RS1: variants seen among roughly 807,000 people sequenced by gnomAD.
RS1 encodes the protein retinoschisin.
RS1 carries 2 observed loss-of-function variants against 20.8 expected under a neutral mutation model. That is an observed-to-expected ratio of 0.10 (90% confidence interval 0.04 to 0.30). The LOEUF (loss-of-function observed/expected upper bound fraction) is 0.30, where lower values mean the gene tolerates loss of function less well. Ranked by LOEUF, RS1 falls within the 10% of genes least tolerant of loss-of-function variation. The pLI is 1.00. For missense variants in RS1, 151 were observed against 189.8 expected (o/e 0.80, Z 1.20); for synonymous variants, 70 against 75.8 (o/e 0.92, Z 0.40).
At chrX:18,670,586 C>T (rs898408701) in intron 1 of RS1, among the ~76,000 whole-genome samples, 1 of 110,810 alleles carries the variant, frequency 9.0e-6, no homozygotes, top group Non-Finnish European at 1.9e-5. Flanking sequence ...AAAGAAGGGA[C>T]CAAGGAATGA....
intron 2 of RS1, among the ~76,000 whole-genome samples, chrX:18,657,369 C>T (rs1374670714): frequency 1.9e-5 from 2 of 107,405 alleles, no homozygotes; most frequent in Non-Finnish European, 3.8e-5. Flanking sequence ...TACAGGTATG[C>T]ACCACTATAC....
chrX:18,668,848 T>C (rs1266481636), intron 1 of RS1, among the ~76,000 whole-genome samples: 2 of 111,431 alleles, frequency 1.8e-5, no homozygotes, highest in African/African-American at 6.5e-5. Context: ...ACAGGGAGAA[T>C]GGGGAGCGAG....
chrX:18,669,281 G>A (rs1000660523), intron 1 of RS1, among the ~76,000 whole-genome samples: 5 of 109,220 alleles, frequency 4.6e-5, no homozygotes, highest in Non-Finnish European at 7.6e-5. Flanking sequence ...ACCTGAGGTC[G>A]GGAGTTCGAG....
chrX:18,643,829 AATAT>A (rs755520723), intron 5 of RS1, among the ~76,000 whole-genome samples: 2 of 105,851 alleles, frequency 1.9e-5, no homozygotes, highest in African/African-American at 3.4e-5. Context: ...ATTCATAGCA[AATAT>A]ATATATATAT....
intron 1 of RS1, among the ~76,000 whole-genome samples, chrX:18,663,121 T>A (rs772030709): frequency 8.5e-4 from 86 of 101,679 alleles, no homozygotes; most frequent in African/African-American, 2.9e-3. Flanking sequence ...TCACAACAAC[T>A]TCGGCCTCCT....
rs1928220468 is a variant in RS1 at position 18,656,660 on chromosome X, A to G, written c.177T>C (p.Cys59=). The G allele has an allele frequency of 3.3e-6, 4 of 1,198,857 alleles. No individual in the cohort carries two copies. The South Asian group carries it at 5.3e-5, about 16-fold the overall frequency. Residue 59 remains cysteine, a synonymous_variant, in exon 3 of 6, where the codon TGT becomes TGC. Coordinates refer to ENST00000379984, the MANE Select transcript of RS1 (RefSeq NM_000330.4). ...AGGACAGGGGATACTCACCTGGTAT[A>G]CAGTCCAAGGAGGTGGCACCTGCAG... ...LWSAGATSLD[C]IPECPYHKPL...
At chrX:18,649,807 C>A (rs1048096467) in intron 3 of RS1, among the ~76,000 whole-genome samples, 2 of 112,133 alleles carry the variant, frequency 1.8e-5, no homozygotes, top group Non-Finnish European at 3.8e-5. Flanking sequence ...GCTCCTCCCC[C>A]ACCCGCGACA....
chrX:18,659,616 G>A (rs1928277932), intron 1 of RS1, among the ~76,000 whole-genome samples: 2 of 112,010 alleles, frequency 1.8e-5, no homozygotes, highest in Admixed American at 1.9e-4. Context: ...ATCGCAGAAG[G>A]TTGCATTGGA....
intron 1 of RS1, among the ~76,000 whole-genome samples, chrX:18,660,796 A>G (rs1928295190): frequency 8.9e-6 from 1 of 112,064 alleles, no homozygotes; most frequent in Non-Finnish European, 1.9e-5. Flanking sequence ...GGCCTTCTGA[A>G]ATGGAAGCCT....
chrX:18,653,977 AT>A, intron 3 of RS1, among the ~76,000 whole-genome samples: 1 of 110,388 alleles, frequency 9.1e-6, no homozygotes, highest in Non-Finnish European at 1.9e-5. Flanking sequence ...CAAAAAAAAA[AT>A]AAAAAAATAA....
At chrX:18,663,112 C>T (rs1237304231) in intron 1 of RS1, among the ~76,000 whole-genome samples, 1 of 101,569 alleles carries the variant, frequency 9.8e-6, no homozygotes, top group Non-Finnish European at 1.9e-5. Flanking sequence ...AATCTCGGCT[C>T]ACAACAACTT....
intron 1 of RS1, among the ~76,000 whole-genome samples, chrX:18,659,027 G>C (rs1457618696): frequency 1.8e-5 from 2 of 111,454 alleles, no homozygotes; most frequent in Non-Finnish European, 3.8e-5. Context: ...ACATAAAACT[G>C]ACATATAAGC....
intron 3 of RS1, among the ~76,000 whole-genome samples, chrX:18,648,230 T>C (rs1927871503): frequency 9.2e-6 from 1 of 109,211 alleles, no homozygotes; most frequent in South Asian, 4.0e-4. Context: ...TATTCATTCA[T>C]TCTCCCCTTC....
intron 1 of RS1, among the ~76,000 whole-genome samples, chrX:18,661,397 A>G (rs1050726714): frequency 9.0e-6 from 1 of 111,224 alleles, no homozygotes; most frequent in Admixed American, 9.5e-5. Flanking sequence ...CTAGGGGCGA[A>G]TGTTTACAGC....
chrX:18,653,865 G>T (rs1322374824), intron 3 of RS1, among the ~76,000 whole-genome samples: 2 of 109,961 alleles, frequency 1.8e-5, no homozygotes, highest in Non-Finnish European at 3.8e-5. Context: ...CTACTCGGGA[G>T]GCTGAGGCAG....
intron 1 of RS1, among the ~76,000 whole-genome samples, chrX:18,669,211 C>T (rs1415802194): frequency 9.0e-6 from 1 of 110,965 alleles, no homozygotes; most frequent in East Asian, 2.8e-4. Context: ...ACATAGGAAG[C>T]CAGGTGCGGT....
chrX:18,649,253 A>G (rs1927927066), intron 3 of RS1, among the ~76,000 whole-genome samples: 1 of 110,818 alleles, frequency 9.0e-6, no homozygotes, highest in Non-Finnish European at 1.9e-5. Flanking sequence ...TTTTTTGGTT[A>G]GAGACCTGGT....
intron 1 of RS1, among the ~76,000 whole-genome samples, chrX:18,659,098 C>T (rs1191505587): frequency 9.0e-6 from 1 of 111,524 alleles, no homozygotes; most frequent in Non-Finnish European, 1.9e-5. Context: ...AAAGAGTTTG[C>T]ATATATTAGC....
chrX:18,657,393 G>T (rs1217826443), intron 2 of RS1, among the ~76,000 whole-genome samples: 3 of 107,638 alleles, frequency 2.8e-5, no homozygotes, highest in African/African-American at 1.0e-4. Flanking sequence ...GCTAATTTTT[G>T]TATTTTTAAA....
Sources: allele counts gnomAD v4.1 joint callset (sites outside exome capture counted in the v4.1 genomes callset), GRCh38; gene constraint gnomAD v4.1.1; transcripts MANE v1.5; gene names NCBI Gene and HGNC (gene_info 2026-07-23, HGNC 2026-07-21).